Variants in ZBTB8B observed in about 807,000 individuals in gnomAD.
ZBTB8B encodes zinc finger and BTB domain containing 8B.
ZBTB8B carries 17 observed loss-of-function variants against 30.3 expected under a neutral mutation model. The observed-to-expected ratio is 0.56, with a 90% CI of 0.38 to 0.84. ZBTB8B has a LOEUF of 0.84. Ranked by LOEUF, ZBTB8B falls within the 40% of genes least tolerant of loss-of-function variation. The probability of loss-of-function intolerance (pLI) is 0.00; values close to 1 mark genes in which losing one functional copy is unlikely to be tolerated. For synonymous variants in ZBTB8B, 248 were observed against 255.6 expected (o/e 0.97, Z 0.28); for missense variants, 515 against 644.9 (o/e 0.80, Z 2.18).
chr1:32,475,813 G>T (rs1394185801), intron 2 of ZBTB8B, among the ~76,000 whole-genome samples: 1 of 150,306 alleles, frequency 6.7e-6, no homozygotes. Flanking sequence ...GCAAAGAGGG[G>T]AGGTTTTTTT....
intron 1 of ZBTB8B, among the ~76,000 whole-genome samples, chr1:32,466,006 A>G (rs1179301277): frequency 1.3e-5 from 2 of 152,072 alleles, no homozygotes; most frequent in Non-Finnish European, 2.9e-5. Context: ...AGGATCGTGC[A>G]CTCCAACCTG....
chr1:32,471,724 C>T (rs759424140), intron 2 of ZBTB8B, 109 bp downstream of exon 2: 15 of 1,230,014 alleles, frequency 1.2e-5, no homozygotes, highest in Middle Eastern at 2.6e-4. Context: ...TTGTCACTAC[C>T]AACATTATCA....
At position 32,487,380 on chromosome 1, in the gene ZBTB8B, G is replaced by C. The variant is rs1470776932; in HGVS notation, c.*1962G>C. On this transcript the variant is annotated 3_prime_UTR_variant, in exon 4 of 4. Transcript: ENST00000609129. ...ATGTTGATAACACTTTGACATTGCT[G>C]TGACTCATGGCTTTGTCTTCTTGAG... The C allele has an allele frequency of 3.3e-5, 5 of 152,254 alleles. No individual in the cohort carries two copies. The highest frequency in any genetic ancestry group is 7.3e-5 in the Non-Finnish European group (5 of 68,074). 9.4% of individuals were successfully genotyped at this position (152,254 alleles called of 1,614,324 possible).
chr1:32,496,159 A>T lies in ZBTB8B; in HGVS notation c.*10741A>T, dbSNP rs1643816113. ...CCCACGGTCTTAGGACCAACAATTT[A>T]GTAATACGAGACAATTTCTGGCAGA... On this transcript the variant is annotated 3_prime_UTR_variant, in exon 4 of 4. Transcript: ENST00000609129. 6.6e-6 allele frequency: 1 copy of T among 152,244 alleles called. No homozygotes were observed. The highest frequency in any genetic ancestry group is 1.5e-5 in the Non-Finnish European group (1 of 68,052). 9.4% of individuals were successfully genotyped at this position (152,244 alleles called of 1,614,324 possible).
intron 3 of ZBTB8B, among the ~76,000 whole-genome samples, chr1:32,481,623 ATATTTATT>A (rs1036314243): frequency 6.6e-6 from 1 of 152,132 alleles, no homozygotes; most frequent in African/African-American, 2.4e-5. Flanking sequence ...GAAAGATGTT[ATATTTATT>A]TATTTATTTA....
intron 1 of ZBTB8B, among the ~76,000 whole-genome samples, chr1:32,466,631 T>G (rs1643572591): frequency 6.6e-6 from 1 of 152,132 alleles, no homozygotes; most frequent in African/African-American, 2.4e-5. Context: ...ACTATACGGA[T>G]AGACTTTTGC....
chr1:32,476,309 G>T (rs1643664937), intron 2 of ZBTB8B, among the ~76,000 whole-genome samples: 1 of 151,978 alleles, frequency 6.6e-6, no homozygotes. Flanking sequence ...TCATAGGGGG[G>T]TTTTTGGTAG....
At position 32,484,687 on chromosome 1, in the gene ZBTB8B, C is replaced by T. The variant is rs926639733; in HGVS notation, c.1171-414C>T. On this transcript the variant is annotated intron_variant, in intron 3 of 3. Transcript: ENST00000609129. The surrounding 1 kb of genome is among the most constrained non-coding windows in gnomAD (Gnocchi z 4.5). Reference sequence around the variant, plus strand: ...CGCCATCCCTACTTGGTGCTGTCATCGTGATAGTGAGTTTTCATGAGATCT... The same window carrying T: ...CGCCATCCCTACTTGGTGCTGTCATTGTGATAGTGAGTTTTCATGAGATCT... 6.6e-6 allele frequency among the ~76,000 whole-genome samples: 1 copy of T among 152,178 alleles called. No homozygotes were observed. Among genetic ancestry groups the T allele is most frequent in the East Asian group, 1.9e-4 (1 of 5,172 alleles).
intron 2 of ZBTB8B, among the ~76,000 whole-genome samples, chr1:32,478,372 C>T (rs1643679527): frequency 6.6e-6 from 1 of 151,990 alleles, no homozygotes; most frequent in South Asian, 2.1e-4. Context: ...ATTAGCCAGG[C>T]ATGGTGGTGT....
intron 3 of ZBTB8B, among the ~76,000 whole-genome samples, chr1:32,481,715 G>C (rs1436555977): frequency 6.6e-6 from 1 of 152,146 alleles, no homozygotes; most frequent in East Asian, 1.9e-4. Flanking sequence ...TTGTTGTACA[G>C]ATTATTTCAT....
At chr1:32,478,703 T>C (rs1425553344) in intron 2 of ZBTB8B, among the ~76,000 whole-genome samples, 1 of 152,156 alleles carries the variant, frequency 6.6e-6, no homozygotes, top group Non-Finnish European at 1.5e-5. Context: ...GATGGGAACT[T>C]GATACCAAAG....
chr1:32,471,609 G>A lies in ZBTB8B; in HGVS notation c.985G>A (p.Asp329Asn), dbSNP rs990494781. The A allele has an allele frequency of 3.2e-6, 5 of 1,548,854 alleles. No individual in the cohort carries two copies. In the African/African-American group the frequency reaches 5.5e-5, roughly 17 times the overall value. Residue 329 changes from aspartate to asparagine, a missense_variant, in exon 2 of 4, where the codon GAC becomes AAC. Coordinates refer to ENST00000609129, the MANE Select transcript of ZBTB8B (RefSeq NM_001145720.2). ...MDVQADWYGE[D>N]SGDVLVVPIK... ...TGTCCAGGCTGACTGGTATGGAGAG[G>A]ACTCAGGTGAGCTCCCTTAGCATTC...
In ZBTB8B at chr1:32,485,592, C is replaced by A; in HGVS notation, c.*174C>A. On this transcript the variant is annotated 3_prime_UTR_variant, in exon 4 of 4. Coordinates refer to ENST00000609129, the MANE Select transcript of ZBTB8B (RefSeq NM_001145720.2). The stretch of plus-strand genomic sequence containing the variant: ...AGGTTGGATTTTGTGACTCAAAGGA[C>A]AGATAACCTTTTTGTGTGGTGCCCT... 1.5e-6 allele frequency: 1 copy of A among 689,054 alleles called. No individual in the cohort carries two copies. Among genetic ancestry groups the A allele is most frequent in the Non-Finnish European group, 2.4e-6 (1 of 421,226 alleles). The allele number at this position is 689,054 out of a possible 1,614,324, so 42.7% of individuals were successfully genotyped here.
intron 3 of ZBTB8B, among the ~76,000 whole-genome samples, chr1:32,483,020 G>A (rs1452430858): frequency 6.6e-6 from 1 of 151,728 alleles, no homozygotes; most frequent in African/African-American, 2.4e-5. Flanking sequence ...TGCACCCAGA[G>A]CTCTCTAGAA....
At chr1:32,473,406 A>G (rs556580361) in intron 2 of ZBTB8B, among the ~76,000 whole-genome samples, 1 of 152,254 alleles carries the variant, frequency 6.6e-6, no homozygotes, top group Non-Finnish European at 1.5e-5. Context: ...AATATTGAGT[A>G]GTGAAAGTCT....
intron 3 of ZBTB8B, 135 bp downstream of exon 3, chr1:32,481,204 C>T: frequency 5.4e-6 from 5 of 931,762 alleles, no homozygotes; most frequent in South Asian, 2.7e-5. Context: ...TATGTTTTTA[C>T]TACTAAATTA....
chr1:32,480,381 G>A (rs1280054858), intron 2 of ZBTB8B, among the ~76,000 whole-genome samples: 1 of 152,024 alleles, frequency 6.6e-6, no homozygotes, highest in East Asian at 1.9e-4. Context: ...CTATCATTAG[G>A]GCCCCACCTT....
intron 3 of ZBTB8B, among the ~76,000 whole-genome samples, chr1:32,481,873 C>G (rs983900624): frequency 6.6e-6 from 1 of 152,154 alleles, no homozygotes; most frequent in African/African-American, 2.4e-5. Flanking sequence ...GTTTTCTGTT[C>G]CTATGTTAGT....
chr1:32,481,140 C>G, intron 3 of ZBTB8B, 71 bp downstream of exon 3: 1 of 1,368,510 alleles, frequency 7.3e-7, no homozygotes, highest in East Asian at 2.7e-5. Flanking sequence ...AAGGGTGAAG[C>G]CAGCCTGTCT....
Sources: gnomAD v4.1 joint callset for allele counts (sites outside exome capture counted in the v4.1 genomes callset) on GRCh38, gnomAD v4.1.1 for gene constraint, Gnocchi (gnomAD v3.1) non-coding constraint, MANE v1.5 for transcripts, NCBI Gene and HGNC (gene_info 2026-07-23, HGNC 2026-07-21) for gene names.